SAXO1: variants seen among roughly 807,000 people sequenced by gnomAD.
SAXO1 encodes 4930500O09Rik.
SAXO1 carries 21 observed loss-of-function variants against 17.5 expected under a neutral mutation model. That is an observed-to-expected ratio of 1.20 (90% CI 0.85 to 1.72). SAXO1 has a LOEUF of 1.72. Among genes scored for constraint, SAXO1 ranks in the 40% most tolerant of loss-of-function variants. The probability of loss-of-function intolerance (pLI) is 0.00; values close to 1 mark genes in which losing one functional copy is unlikely to be tolerated. For missense variants in SAXO1, 843 were observed against 596.0 expected, an observed-to-expected ratio of 1.41 and a Z score of -4.32; for synonymous variants, 274 against 216.5, an observed-to-expected ratio of 1.27 and a Z score of -2.33.
intron 1 of SAXO1, among the ~76,000 whole-genome samples, chr9:18,965,119 C>G (rs9776700): frequency 0.96 from 146,108 of 152,334 alleles, 70,098 homozygotes; most frequent in East Asian, 1. Flanking sequence ...TGGCCTGAGA[C>G]ACTGTTTGTT....
chr9:18,970,009 T>C (rs1832887190), intron 1 of SAXO1, among the ~76,000 whole-genome samples: 1 of 152,228 alleles, frequency 6.6e-6, no homozygotes, highest in Non-Finnish European at 1.5e-5. Context: ...TCTCAGACTA[T>C]AAGGACACTC....
intron 1 of SAXO1, among the ~76,000 whole-genome samples, chr9:19,041,305 A>G (rs1291877131): frequency 6.6e-6 from 1 of 152,188 alleles, no homozygotes; most frequent in Admixed American, 6.5e-5. Context: ...AGGACACAAA[A>G]AAGTGGAAAA....
chr9:19,024,012 CTTTTTTTTTTTTTTTT>C (rs71333077), intron 1 of SAXO1, among the ~76,000 whole-genome samples: 1 of 38,116 alleles, frequency 2.6e-5, no homozygotes, highest in Non-Finnish European at 4.6e-5. Context: ...CTCTTTAAGG[CTTTTTTTTTTTTTTTT>C]TTTTTTTTTT....
intron 1 of SAXO1, among the ~76,000 whole-genome samples, chr9:19,048,257 G>A (rs1836267052): frequency 6.6e-6 from 1 of 152,180 alleles, no homozygotes; most frequent in South Asian, 2.1e-4. Context: ...TTGAGTTCCA[G>A]ACCAGCCTGG....
intron 3 of SAXO1, among the ~76,000 whole-genome samples, chr9:18,939,314 A>G (rs967592578): frequency 6.6e-6 from 1 of 152,184 alleles, no homozygotes; most frequent in Admixed American, 6.5e-5. Flanking sequence ...CACCCTACCC[A>G]TGGTCATACA....
At chr9:18,995,381 T>A (rs73433225) in intron 1 of SAXO1, among the ~76,000 whole-genome samples, 5,506 of 152,230 alleles carry the variant, frequency 0.036, 361 homozygotes, top group African/African-American at 0.13. Context: ...GCCTCCTAAT[T>A]TTTCCAAGGC....
rs916937752 is a variant in SAXO1 at position 19,033,131 on chromosome 9, G to A, written c.-223C>T. 2.1e-5 allele frequency: 10 copies of A among 480,302 alleles called. No homozygotes were observed. The highest frequency in any genetic ancestry group is 1.2e-4 in the African/African-American group (6 of 50,110). The allele number at this position is 480,302 out of a possible 1,614,324, so 29.8% of individuals were successfully genotyped here. ...GTAGCAGCAGGGGGCTTGCACGCGCGCCAGCCCGGGAGACCTCACCCTGCA... is the reference window on the plus strand; with the variant it reads ...GTAGCAGCAGGGGGCTTGCACGCGCACCAGCCCGGGAGACCTCACCCTGCA... On this transcript the variant is annotated 5_prime_UTR_variant, in exon 1 of 4. Transcript: ENST00000380534.
chr9:18,967,267 G>C (rs1028340593), intron 1 of SAXO1, among the ~76,000 whole-genome samples: 1 of 152,210 alleles, frequency 6.6e-6, no homozygotes, highest in Non-Finnish European at 1.5e-5. Flanking sequence ...AGCAGAGCTC[G>C]ACAGCTGTCC....
Position 18,928,778 on chromosome 9 carries a change from G to A in SAXO1, c.699C>T (p.Pro233=). The part of the protein sequence containing the change: ...EAEKFRPCEI[P]FESLTTQKQS... ...GTTTTTGAGTGGTAAGGCTTTCAAA[G>A]GGGATTTCACAGGGCCTGAACTTCT... is the stretch of plus-strand genomic sequence containing the variant. Residue 233 remains proline (P), a synonymous_variant, in exon 4 of 4, where the codon CCC becomes CCT. Coordinates refer to ENST00000380534, the MANE Select transcript of SAXO1 (RefSeq NM_153707.4). 6.2e-7 allele frequency: 1 copy of A among 1,614,166 alleles called. No homozygotes were observed. Among genetic ancestry groups the A allele is most frequent in the Non-Finnish European group, 8.5e-7 (1 of 1,180,042 alleles).
intron 1 of SAXO1, among the ~76,000 whole-genome samples, chr9:19,006,661 G>C (rs1436108289): frequency 1.3e-5 from 2 of 152,202 alleles, no homozygotes; most frequent in Non-Finnish European, 2.9e-5. Context: ...TACAGAGTTT[G>C]GGATGATGAA....
Position 19,006,904 on chromosome 9 carries a change from G to A in SAXO1, c.38+25967C>T, listed in dbSNP as rs189295498. ...TACTAAAAATACAAAAATTAGCCAGGTGTGGTGATGTGCACCTGTAACCCC... is the reference window on the plus strand; with the variant it reads ...TACTAAAAATACAAAAATTAGCCAGATGTGGTGATGTGCACCTGTAACCCC... On this transcript the variant is annotated intron_variant, in intron 1 of 3. Transcript: ENST00000380534. Among the ~76,000 whole-genome samples the A allele has an allele frequency of 7.2e-3, 1,089 of 152,104 alleles. 6 individuals carry two copies. The highest frequency in any genetic ancestry group is 0.041 in the Middle Eastern group (12 of 294).
chr9:18,987,178 C>A (rs1463513508), intron 1 of SAXO1, among the ~76,000 whole-genome samples: 2 of 152,184 alleles, frequency 1.3e-5, no homozygotes, highest in Non-Finnish European at 2.9e-5. Flanking sequence ...GAGACAGTGT[C>A]ATGATTTCAT....
intron 2 of SAXO1, among the ~76,000 whole-genome samples, chr9:18,945,096 G>A (rs1831732289): frequency 6.6e-6 from 1 of 151,968 alleles, no homozygotes; most frequent in Non-Finnish European, 1.5e-5. Flanking sequence ...ATCTTTAAAG[G>A]TAAAGAGTAA....
intron 2 of SAXO1, among the ~76,000 whole-genome samples, chr9:18,949,418 T>C (rs754023448): frequency 6.6e-5 from 10 of 152,056 alleles, no homozygotes; most frequent in Non-Finnish European, 1.2e-4. Flanking sequence ...GATCACACCA[T>C]TGCACTCCAG....
intron 3 of SAXO1, among the ~76,000 whole-genome samples, chr9:18,930,835 C>T (rs886973129): frequency 2.0e-5 from 3 of 152,146 alleles, no homozygotes; most frequent in Non-Finnish European, 4.4e-5. Context: ...TGACTAACAT[C>T]CAAGACCTAG....
intron 1 of SAXO1, among the ~76,000 whole-genome samples, chr9:18,970,349 T>C (rs1403193689): frequency 6.6e-6 from 1 of 152,210 alleles, no homozygotes; most frequent in Non-Finnish European, 1.5e-5. Context: ...TCATCCTGCA[T>C]AAATAACAAT....
At chr9:19,006,342 A>G (rs1834480467) in intron 1 of SAXO1, among the ~76,000 whole-genome samples, 1 of 152,270 alleles carries the variant, frequency 6.6e-6, no homozygotes, top group Non-Finnish European at 1.5e-5. Context: ...GCATTATTCC[A>G]ATAGCCAGAA....
upstream of SAXO1, among the ~76,000 whole-genome samples, chr9:19,033,594 G>A (rs776920669): frequency 1.3e-5 from 2 of 152,224 alleles, no homozygotes; most frequent in Admixed American, 6.5e-5. Flanking sequence ...CTAGGCCTTT[G>A]GCTTCAGATG....
At chr9:18,970,960 A>G (rs988120247) in intron 1 of SAXO1, among the ~76,000 whole-genome samples, 1 of 152,106 alleles carries the variant, frequency 6.6e-6, no homozygotes, top group African/African-American at 2.4e-5. Flanking sequence ...TTAAGGTTTC[A>G]GGAGTCTTTC....
Sources: gnomAD v4.1 joint callset for allele counts (sites outside exome capture counted in the v4.1 genomes callset) on GRCh38, gnomAD v4.1.1 for gene constraint, MANE v1.5 for transcripts, NCBI Gene and HGNC (gene_info 2026-07-23, HGNC 2026-07-21) for gene names.